CWC27: variants seen among roughly 807,000 people sequenced by gnomAD.
CWC27 encodes spliceosome-associated protein CWC27 homolog.
Under a neutral mutation model 63.6 loss-of-function variants are expected in CWC27, and 47 were observed. The ratio of observed to expected loss-of-function variants is 0.74; its 90% CI spans 0.58 to 0.94. The LOEUF (loss-of-function observed/expected upper bound fraction) is 0.94. CWC27 is among the 40% of genes least tolerant of loss of function. CWC27 has a pLI of 0.00. For synonymous variants in CWC27, 175 were observed against 179.8 expected (o/e 0.97, Z 0.22); for missense variants, 495 against 554.3 (o/e 0.89, Z 1.07).
chr5:64,849,768 G>C (rs1028689244), intron 10 of CWC27, among the ~76,000 whole-genome samples: 1 of 152,104 alleles, frequency 6.6e-6, no homozygotes, highest in Non-Finnish European at 1.5e-5. Flanking sequence ...GAGTTCTCAT[G>C]AGATCTGATA....
At chr5:64,877,423 G>T (rs142360979) in intron 10 of CWC27, among the ~76,000 whole-genome samples, 12 of 151,912 alleles carry the variant, frequency 7.9e-5, no homozygotes, top group South Asian at 4.1e-4. Context: ...TTGTGTGTTG[G>T]GGGGGATGAA....
chr5:65,006,563 A>G (rs1306910508), intron 13 of CWC27, among the ~76,000 whole-genome samples: 1 of 152,162 alleles, frequency 6.6e-6, no homozygotes, highest in Admixed American at 6.5e-5. Context: ...GAGTACATTG[A>G]TATACTATGT....
intron 11 of CWC27, among the ~76,000 whole-genome samples, chr5:64,891,771 T>TTTGTTGTTGTTGTTGTTG (rs56101875): frequency 1.5e-4 from 22 of 147,630 alleles, no homozygotes; most frequent in Non-Finnish European, 2.2e-4. Context: ...CTTGGGATAC[T>TTTGTTGTTGTTGTTGTTG]TTGTTGTTGT....
intron 11 of CWC27, among the ~76,000 whole-genome samples, chr5:64,959,271 TA>T (rs1260008855): frequency 6.6e-6 from 1 of 152,184 alleles, no homozygotes; most frequent in Non-Finnish European, 1.5e-5. Context: ...CAAGTATCTT[TA>T]AAACAAAGTT....
chr5:64,968,274 G>A (rs184370527), intron 11 of CWC27, among the ~76,000 whole-genome samples: 61 of 152,090 alleles, frequency 4.0e-4, no homozygotes, highest in Non-Finnish European at 6.9e-4. Context: ...CCTATATTGC[G>A]AGTGGAATGA....
intron 7 of CWC27, among the ~76,000 whole-genome samples, chr5:64,789,802 T>C (rs942036687): frequency 3.3e-5 from 5 of 152,168 alleles, no homozygotes; most frequent in African/African-American, 1.2e-4. Flanking sequence ...TTTTGAAAAT[T>C]AGTGAATACT....
At chr5:64,898,196 G>T (rs1424961558) in intron 11 of CWC27, among the ~76,000 whole-genome samples, 5 of 152,144 alleles carry the variant, frequency 3.3e-5, no homozygotes, top group Admixed American at 3.3e-4. Flanking sequence ...GCAGTTGTTA[G>T]GAATTAGAGT....
chr5:64,808,121 CA>C (rs1169713138), intron 10 of CWC27: 1 of 1,086,194 alleles, frequency 9.2e-7, no homozygotes, highest in East Asian at 7.2e-5. Context: ...GCATTAGTAT[CA>C]CTTGGGAACT....
chr5:64,829,708 T>C (rs936003164), intron 10 of CWC27, among the ~76,000 whole-genome samples: 7 of 148,166 alleles, frequency 4.7e-5, no homozygotes, highest in Admixed American at 3.4e-4. Context: ...GTTTGTTACA[T>C]AGGTATACAC....
At chr5:64,791,631 T>A (rs1358074153) in intron 7 of CWC27, among the ~76,000 whole-genome samples, 2 of 152,080 alleles carry the variant, frequency 1.3e-5, no homozygotes. Flanking sequence ...TCGTAGGGGG[T>A]GCTTTGTAAT....
intron 13 of CWC27, among the ~76,000 whole-genome samples, chr5:65,008,627 T>C (rs1434818939): frequency 6.6e-6 from 1 of 152,258 alleles, no homozygotes; most frequent in Non-Finnish European, 1.5e-5. Flanking sequence ...GTGATGTGCC[T>C]ATGTATTACA....
At chr5:64,953,678 C>T (rs1365460315) in intron 11 of CWC27, among the ~76,000 whole-genome samples, 1 of 152,074 alleles carries the variant, frequency 6.6e-6, no homozygotes, top group African/African-American at 2.4e-5. Context: ...AAAACAAAGG[C>T]ACTTTTTAAG....
At chr5:64,946,878 A>C (rs1748601093) in intron 11 of CWC27, among the ~76,000 whole-genome samples, 1 of 152,106 alleles carries the variant, frequency 6.6e-6, no homozygotes, top group Non-Finnish European at 1.5e-5. Context: ...TGTTCTTCTA[A>C]TGGTTAATCT....
At chr5:64,952,492 A>G (rs878920412) in intron 11 of CWC27, among the ~76,000 whole-genome samples, 1 of 152,118 alleles carries the variant, frequency 6.6e-6, no homozygotes. Context: ...TAGATAGTAT[A>G]CAACATGAAC....
At chr5:64,916,272 G>A (rs1747886012) in intron 11 of CWC27, among the ~76,000 whole-genome samples, 1 of 152,146 alleles carries the variant, frequency 6.6e-6, no homozygotes, top group Admixed American at 6.5e-5. Context: ...GTGGCAGGTA[G>A]CATTACAGAA....
At chr5:64,942,970 T>C (rs989144209) in intron 11 of CWC27, among the ~76,000 whole-genome samples, 3 of 152,190 alleles carry the variant, frequency 2.0e-5, no homozygotes, top group Admixed American at 1.3e-4. Flanking sequence ...TAATGATATC[T>C]GCTAAAATGA....
At chr5:64,820,572 A>G (rs2112245197) in intron 10 of CWC27, among the ~76,000 whole-genome samples, 1 of 152,302 alleles carries the variant, frequency 6.6e-6, no homozygotes, top group Admixed American at 6.5e-5. Flanking sequence ...GATGGTTAAA[A>G]GATAGAGAGA....
chr5:65,001,196 G>A (rs761172165), intron 13 of CWC27, among the ~76,000 whole-genome samples: 10 of 151,906 alleles, frequency 6.6e-5, no homozygotes, highest in African/African-American at 9.7e-5. Context: ...TACTCAATTC[G>A]CTTTCCAGCT....
intron 13 of CWC27, among the ~76,000 whole-genome samples, chr5:64,997,238 C>A (rs1354637941): frequency 6.6e-6 from 1 of 152,100 alleles, no homozygotes. Flanking sequence ...TGAATCCCAA[C>A]TTGGAAACTT....
Sources: allele counts gnomAD v4.1 joint callset (sites outside exome capture counted in the v4.1 genomes callset), GRCh38; gene constraint gnomAD v4.1.1; transcripts MANE v1.5; gene names NCBI Gene and HGNC (gene_info 2026-07-23, HGNC 2026-07-21).